The following NECTIN1 variants were observed in gnomAD, a reference collection of about 807,000 sequenced individuals.
NECTIN1 encodes the protein nectin cell adhesion molecule 1.
In NECTIN1, 23 loss-of-function variants were observed where a neutral mutation model predicts 48.0. The observed-to-expected ratio is 0.48, with a 90% CI of 0.34 to 0.68. The LOEUF is 0.68. NECTIN1 is among the 30% of genes least tolerant of loss of function. NECTIN1 has a pLI of 0.01. For synonymous variants in NECTIN1, 270 were observed against 288.9 expected (o/e 0.93, Z 0.66); for missense variants, 591 against 709.9 (o/e 0.83, Z 1.90).
At chr11:119,660,171 C>G (rs189468041), downstream of NECTIN1, among the ~76,000 whole-genome samples, 1 of 152,046 alleles carries the variant, frequency 6.6e-6, no homozygotes, top group South Asian at 2.1e-4. Flanking sequence ...TCCCAGGGGT[C>G]GTTGGTGTGG....
rs1565376424 is a variant in NECTIN1 at position 119,648,280 on chromosome 11, G to GTGGTGA, written c.1004-8269_1004-8268insTCACCA. Among the ~76,000 whole-genome samples the GTGGTGA allele has an allele frequency of 2.0e-3, 88 of 43,760 alleles. 7 individuals are homozygous for GTGGTGA. Among genetic ancestry groups the GTGGTGA allele is most frequent in the Admixed American group, 3.4e-3 (12 of 3,506 alleles). 28.7% of individuals were successfully genotyped at this position (43,760 alleles called of 152,430 possible). On this transcript the variant is annotated intron_variant, in intron 5 of 7. Transcript: ENST00000341398. ...GGTGGTAATAGTGGTGGTGGTGATG[G>GTGGTGA]TGGTGGTGATGGTGGTGGTGGTGGT...
chr11:119,656,726 C>G (rs1465257647), downstream of NECTIN1, among the ~76,000 whole-genome samples: 1 of 152,154 alleles, frequency 6.6e-6, no homozygotes, highest in Admixed American at 6.5e-5. Flanking sequence ...AGGCAGAGAG[C>G]GGAGGACTCA....
Position 119,677,503 on chromosome 11 carries a change from G to A in NECTIN1, c.733+52C>T. 3.8e-6 allele frequency: 6 copies of A among 1,577,990 alleles called. No individual in the cohort carries two copies. In the South Asian group the frequency reaches 5.5e-5, roughly 15 times the overall value. On this transcript the variant is annotated intron_variant, in intron 3 of 5. Transcript: ENST00000264025. The surrounding 1 kb of genome is among the most constrained non-coding windows in gnomAD (Gnocchi z 5.4). Reference sequence around the variant, plus strand: ...GAGGAGAAAGGAGAGGAGGAGGGAGGAGGGACAGTGGCGCCCACCCCAGGA... The same window carrying A: ...GAGGAGAAAGGAGAGGAGGAGGGAGAAGGGACAGTGGCGCCCACCCCAGGA...
rs1864722797 is a variant in NECTIN1 at position 119,664,311 on chromosome 11, G to T, written c.*436C>A. On this transcript the variant is annotated 3_prime_UTR_variant, in exon 6 of 6. Transcript: ENST00000264025. Reference sequence around the variant, plus strand: ...CCGGGAGGAGGAGCAGCATCTGGGGGTGTGGGGAGCTTTTCCCTCTTAGAG... The same window carrying T: ...CCGGGAGGAGGAGCAGCATCTGGGGTTGTGGGGAGCTTTTCCCTCTTAGAG... 4 of 1,004,482 alleles carry T rather than the reference G, an allele frequency of 4.0e-6. No homozygotes were observed. Among genetic ancestry groups the T allele is most frequent in the Non-Finnish European group, 4.8e-6 (4 of 841,466 alleles). The allele number at this position is 1,004,482 out of a possible 1,614,324, so 62.2% of individuals were successfully genotyped here. A position where few individuals can be genotyped will look rare whatever the true frequency, so the allele number is the denominator to read the frequency against.
chr11:119,697,986 A>G (rs564856526), intron 1 of NECTIN1, among the ~76,000 whole-genome samples: 1 of 152,358 alleles, frequency 6.6e-6, no homozygotes, highest in East Asian at 1.9e-4. Context: ...GGGACAGGGA[A>G]GGGGAAAAGA....
intron 5 of NECTIN1, among the ~76,000 whole-genome samples, chr11:119,670,644 CTTTTTTTTTTT>C (rs56350355): frequency 2.2e-4 from 25 of 113,898 alleles, no homozygotes; most frequent in African/African-American, 8.1e-4. Context: ...TTCCTAAGTC[CTTTTTTTTTTT>C]TTTTTTTTTG....
Position 119,677,364 on chromosome 11 carries a change from CA to C in NECTIN1, c.734-146del. On this transcript the variant is annotated intron_variant, in intron 3 of 5. Coordinates refer to ENST00000264025, the MANE Select transcript of NECTIN1 (RefSeq NM_002855.5). The surrounding 1 kb of genome is among the most constrained non-coding windows in gnomAD (Gnocchi z 5.4). ...AGTGTGGGTGGGAGGGTGGCAATCA[CA>C]GAGCCCGGGAGTGGAAACAGGAGGG... 1 of 1,026,590 alleles carries C rather than the reference CA, an allele frequency of 9.7e-7. No individual in the cohort carries two copies. The highest frequency in any genetic ancestry group is 1.5e-6 in the Non-Finnish European group (1 of 662,474). 63.6% of individuals were successfully genotyped at this position (1,026,590 alleles called of 1,614,324 possible).
intron 1 of NECTIN1, among the ~76,000 whole-genome samples, chr11:119,692,175 A>C (rs1373081359): frequency 6.6e-6 from 1 of 152,110 alleles, no homozygotes; most frequent in African/African-American, 2.4e-5. Flanking sequence ...CCCCGCTTCC[A>C]GCTCAGACTT....
In NECTIN1 at chr11:119,728,588, G is replaced by A; in HGVS notation, c.-35C>T. 6.8e-7 allele frequency: 1 copy of A among 1,465,960 alleles called. No individual in the cohort carries two copies. The highest frequency in any genetic ancestry group is 1.4e-5 in the African/African-American group (1 of 70,356). 90.8% of individuals were successfully genotyped at this position (1,465,960 alleles called of 1,614,324 possible). ...GGGGTCCGGCGAGAGGGGCGGCGAG[G>A]GCAGCGCTCCTCGCGCAGCAGAAAC... is the stretch of plus-strand genomic sequence containing the variant. On this transcript the variant is annotated 5_prime_UTR_variant, in exon 1 of 6. Transcript: ENST00000264025.
intron 5 of NECTIN1, among the ~76,000 whole-genome samples, chr11:119,667,382 A>G (rs919197750): frequency 6.6e-6 from 1 of 151,732 alleles, no homozygotes; most frequent in African/African-American, 2.4e-5. Flanking sequence ...CATACTGAGC[A>G]TCTATCCTGC....
chr11:119,675,037 G>A (rs1864923321), intron 5 of NECTIN1, 122 bp downstream of exon 5: 1 of 1,226,552 alleles, frequency 8.2e-7, no homozygotes, highest in African/African-American at 1.5e-5. Flanking sequence ...GAGCTCAAGG[G>A]AGAACTAGAG....
rs1298874428 is a variant in NECTIN1, at chr11:119,643,824, G to C, written c.1004-3812C>G. Among the ~76,000 whole-genome samples, 3 of 152,320 alleles carry C rather than the reference G, an allele frequency of 2.0e-5. No homozygotes were observed. The East Asian group carries it at 5.8e-4, about 29-fold the overall frequency. On this transcript the variant is annotated intron_variant, in intron 5 of 7. Transcript: ENST00000341398. ...AGCCGGGAGAGCTGGAATCAGTGTC[G>C]GGGGGTGGGGGTGGGGCCTCCAGGG...
intron 1 of NECTIN1, among the ~76,000 whole-genome samples, chr11:119,715,180 T>G (rs1865725022): frequency 1.3e-5 from 2 of 152,016 alleles, no homozygotes; most frequent in South Asian, 4.2e-4. Flanking sequence ...TTTTAGGAAG[T>G]GAATGGGGTG....
Position 119,648,316 on chromosome 11 carries a change from A to ATGGTGG in NECTIN1, c.1004-8305_1004-8304insCCACCA, listed in dbSNP as rs1565376589. ...GGTGGTGGTGGTGGTGATGGTGGTG[A>ATGGTGG]TGGTGATGGTGGTGATGGTGGTGGT... On this transcript the variant is annotated intron_variant, in intron 5 of 7. Coordinates refer to the NECTIN1 transcript ENST00000341398. Among the ~76,000 whole-genome samples the ATGGTGG allele has an allele frequency of 6.9e-3, 62 of 8,966 alleles. 6 individuals are homozygous for ATGGTGG. Among genetic ancestry groups the ATGGTGG allele is most frequent in the Non-Finnish European group, 9.1e-3 (49 of 5,414 alleles). 5.9% of individuals were successfully genotyped at this position (8,966 alleles called of 152,430 possible).
Position 119,727,930 on chromosome 11 carries a change from C to A in NECTIN1, c.79+545G>T, listed in dbSNP as rs900999590. On this transcript the variant is annotated intron_variant, in intron 1 of 5. Coordinates refer to ENST00000264025, the MANE Select transcript of NECTIN1 (RefSeq NM_002855.5). The surrounding 1 kb of genome is among the most constrained non-coding windows in gnomAD (Gnocchi z 4.1). ...CAGGTGAGCGAGGAGCCGCCTCTGCCGCAGCAGCCGACTCTCCGCGCCCGC... is the reference window on the plus strand; with the variant it reads ...CAGGTGAGCGAGGAGCCGCCTCTGCAGCAGCAGCCGACTCTCCGCGCCCGC... Among the ~76,000 whole-genome samples, 1 of 152,166 alleles carries A rather than the reference C, an allele frequency of 6.6e-6. No individual in the cohort carries two copies. The highest frequency in any genetic ancestry group is 1.5e-5 in the Non-Finnish European group (1 of 68,032).
downstream of NECTIN1, chr11:119,659,325 T>C (rs1864623253): frequency 6.6e-6 from 1 of 152,116 alleles, no homozygotes; most frequent in Non-Finnish European, 1.5e-5. Flanking sequence ...CAGGAGTGGG[T>C]AGGATTGGGA....
chr11:119,690,444 C>T (rs1158068679), intron 1 of NECTIN1, among the ~76,000 whole-genome samples: 1 of 152,212 alleles, frequency 6.6e-6, no homozygotes, highest in Non-Finnish European at 1.5e-5. Context: ...CTTCAATGAC[C>T]AGGGGCTGGG....
In NECTIN1 at chr11:119,664,487, GTAAAGGGAAGATACAGTAACAC is replaced by G; in HGVS notation, c.*238_*259del. ...CACAGAGGGCAGGCAGGTGGGGCCC[GTAAAGGGAAGATACAGTAACAC>G]TAAAGCCACAGTCGAACACAACACC... On this transcript the variant is annotated 3_prime_UTR_variant, in exon 6 of 6. Transcript: ENST00000264025. The G allele has an allele frequency of 1.5e-6, 2 of 1,330,656 alleles. No homozygotes were observed. Among genetic ancestry groups the G allele is most frequent in the Non-Finnish European group, 1.9e-6 (2 of 1,040,456 alleles). The allele number at this position is 1,330,656 out of a possible 1,614,324, so 82.4% of individuals were successfully genotyped here. A position where few individuals can be genotyped will look rare whatever the true frequency, so the allele number is the denominator to read the frequency against.
Position 119,677,251 on chromosome 11 carries a change from G to A in NECTIN1, c.734-32C>T. On this transcript the variant is annotated intron_variant, in intron 3 of 5. Transcript: ENST00000264025. This position sits in a 1 kb window ranked among gnomAD's most constrained non-coding sequence, Gnocchi z 5.4. ...GGCAAGGGATGTTTGAAGAGGGTGA[G>A]GTCAGGAGAGCGGGACTTAGAACAA... The A allele has an allele frequency of 1.3e-6, 2 of 1,572,966 alleles. No homozygotes were observed. The highest frequency in any genetic ancestry group is 1.8e-6 in the Non-Finnish European group (2 of 1,142,764).
Sources: allele counts gnomAD v4.1 joint callset (sites outside exome capture counted in the v4.1 genomes callset), GRCh38; gene constraint gnomAD v4.1.1; non-coding constraint Gnocchi (gnomAD v3.1); transcripts MANE v1.5; gene names NCBI Gene and HGNC (gene_info 2026-07-23, HGNC 2026-07-21).